Variants in SAMD4A observed in about 807,000 individuals in gnomAD.
SAMD4A encodes protein Smaug homolog 1.
In SAMD4A, 33 loss-of-function variants were observed where a neutral mutation model predicts 81.3. That is an observed-to-expected ratio of 0.41 (90% CI 0.31 to 0.54). SAMD4A has a LOEUF of 0.54. Ranked by LOEUF, SAMD4A falls within the 20% of genes least tolerant of loss-of-function variation. The pLI is 0.37. For synonymous variants in SAMD4A, 389 were observed against 382.1 expected (o/e 1.02, Z -0.21); for missense variants, 854 against 951.1 (o/e 0.90, Z 1.34).
At position 54,791,227 on chromosome 14, in the gene SAMD4A, G is replaced by T. The variant is rs780547094; in HGVS notation, c.*2283G>T. On this transcript the variant is annotated 3_prime_UTR_variant, in exon 13 of 13. Coordinates refer to ENST00000554335, the MANE Select transcript of SAMD4A (RefSeq NM_015589.6). ...CCAAAGGTAAGACCAGAGGGTTTGCGAATGTGGGTTTGTAGGATACTGAGA... is the reference window on the plus strand; with the variant it reads ...CCAAAGGTAAGACCAGAGGGTTTGCTAATGTGGGTTTGTAGGATACTGAGA... The T allele has an allele frequency of 6.6e-6, 1 of 152,168 alleles. No homozygotes were observed. The highest frequency in any genetic ancestry group is 2.4e-5 in the African/African-American group (1 of 41,420). The allele number at this position is 152,168 out of a possible 1,614,324, so 9.4% of individuals were successfully genotyped here.
At chr14:54,757,385 G>T (rs1320282982) in intron 6 of SAMD4A, among the ~76,000 whole-genome samples, 1 of 18,672 alleles carries the variant, frequency 5.4e-5, no homozygotes, top group African/African-American at 1.2e-4. Context: ...TTCTTTATTT[G>T]TGTGTGTGTG....
chr14:54,761,316 C>T (rs1038580703), intron 7 of SAMD4A, among the ~76,000 whole-genome samples: 1 of 152,200 alleles, frequency 6.6e-6, no homozygotes, highest in South Asian at 2.1e-4. Context: ...CCATCATGCA[C>T]GTGGTTACCA....
At chr14:54,743,255 G>T (rs2037888439) in intron 4 of SAMD4A, among the ~76,000 whole-genome samples, 2 of 152,216 alleles carry the variant, frequency 1.3e-5, no homozygotes, top group South Asian at 2.1e-4. Context: ...CTAGCTGCCT[G>T]CTCGAATTCA....
At chr14:54,641,627 T>C (rs1294755382) in intron 2 of SAMD4A, among the ~76,000 whole-genome samples, 1 of 152,214 alleles carries the variant, frequency 6.6e-6, no homozygotes, top group African/African-American at 2.4e-5. Flanking sequence ...AGAGAGTACA[T>C]ATTTTGCTTA....
At chr14:54,741,784 A>C (rs1278454810) in intron 4 of SAMD4A, among the ~76,000 whole-genome samples, 1 of 152,210 alleles carries the variant, frequency 6.6e-6, no homozygotes, top group Non-Finnish European at 1.5e-5. Flanking sequence ...TCAGCCAAAT[A>C]GTAAGTGAAG....
At chr14:54,566,249 G>C (rs916652091), upstream of SAMD4A, among the ~76,000 whole-genome samples, 8 of 151,162 alleles carry the variant, frequency 5.3e-5, no homozygotes, top group Non-Finnish European at 1.0e-4. Context: ...ACCCCGCTGA[G>C]AGCCGCCGCG....
At chr14:54,698,339 T>C (rs1367082913) in intron 2 of SAMD4A, among the ~76,000 whole-genome samples, 2 of 152,256 alleles carry the variant, frequency 1.3e-5, no homozygotes, top group Non-Finnish European at 2.9e-5. Context: ...CTAATTATGT[T>C]ATAAATATCA....
intron 2 of SAMD4A, among the ~76,000 whole-genome samples, chr14:54,670,950 G>C (rs1566576311): frequency 6.6e-6 from 1 of 152,196 alleles, no homozygotes; most frequent in Admixed American, 6.5e-5. Flanking sequence ...TCCCTTAGCT[G>C]AGTGAATTCT....
chr14:54,567,815 C>A lies in SAMD4A; in HGVS notation c.-102C>A. On this transcript the variant is annotated 5_prime_UTR_variant, in exon 2 of 13. Coordinates refer to ENST00000554335, the MANE Select transcript of SAMD4A (RefSeq NM_015589.6). ...CACCAGAGCCACCTTGGAACAGGAACGCGTCTCCGGCCGCGGGGCTGCGGC... is the reference window on the plus strand; with the variant it reads ...CACCAGAGCCACCTTGGAACAGGAAAGCGTCTCCGGCCGCGGGGCTGCGGC... The A allele has an allele frequency of 7.8e-7, 1 of 1,278,504 alleles. No homozygotes were observed. The highest frequency in any genetic ancestry group is 1.1e-6 in the Non-Finnish European group (1 of 933,612). 79.2% of individuals were successfully genotyped at this position (1,278,504 alleles called of 1,614,324 possible).
chr14:54,642,007 A>G (rs538160705), intron 2 of SAMD4A, among the ~76,000 whole-genome samples: 86 of 152,282 alleles, frequency 5.6e-4, no homozygotes, highest in African/African-American at 1.8e-3. Flanking sequence ...CATGTTGGCC[A>G]GGCTGGTCTT....
At chr14:54,777,915 G>C (rs1351484679) in intron 11 of SAMD4A, among the ~76,000 whole-genome samples, 5 of 151,954 alleles carry the variant, frequency 3.3e-5, no homozygotes, top group Non-Finnish European at 5.9e-5. Context: ...TTTTCTTCCT[G>C]GGAAGAAACA....
chr14:54,765,499 TG>T (rs2038514882), intron 8 of SAMD4A, among the ~76,000 whole-genome samples: 1 of 146,984 alleles, frequency 6.8e-6, no homozygotes, highest in Non-Finnish European at 1.5e-5. Flanking sequence ...GGCGCACACC[TG>T]TAATCCCAGC....
intron 11 of SAMD4A, among the ~76,000 whole-genome samples, chr14:54,778,525 A>G (rs1440097401): frequency 6.6e-6 from 1 of 152,210 alleles, no homozygotes; most frequent in Non-Finnish European, 1.5e-5. Context: ...CCTAGCCCAC[A>G]GGCACAACCC....
At chr14:54,764,814 G>A (rs2038494153) in intron 8 of SAMD4A, among the ~76,000 whole-genome samples, 1 of 152,202 alleles carries the variant, frequency 6.6e-6, no homozygotes, top group South Asian at 2.1e-4. Flanking sequence ...AGCCCCGGGT[G>A]GCCAAGCCTC....
At chr14:54,739,884 A>T (rs1374029886) in intron 4 of SAMD4A, among the ~76,000 whole-genome samples, 2 of 152,214 alleles carry the variant, frequency 1.3e-5, no homozygotes, top group African/African-American at 2.4e-5. Flanking sequence ...AAGAAATGAG[A>T]TATGGCTGGG....
chr14:54,604,999 C>G (rs1033340740), intron 2 of SAMD4A, among the ~76,000 whole-genome samples: 1 of 152,150 alleles, frequency 6.6e-6, no homozygotes, highest in African/African-American at 2.4e-5. Flanking sequence ...CCATTTTTAC[C>G]TTATGCTCAA....
intron 2 of SAMD4A, among the ~76,000 whole-genome samples, chr14:54,618,022 A>G (rs2034530381): frequency 6.6e-6 from 1 of 152,180 alleles, no homozygotes; most frequent in African/African-American, 2.4e-5. Flanking sequence ...ATTTATTACC[A>G]TGTTTTTTCC....
intron 2 of SAMD4A, among the ~76,000 whole-genome samples, chr14:54,695,822 G>A (rs11621212): frequency 2.0e-5 from 3 of 151,446 alleles, no homozygotes; most frequent in Admixed American, 6.6e-5. Context: ...GCGTGGTGGC[G>A]CATGCCTGTA....
intron 2 of SAMD4A, among the ~76,000 whole-genome samples, chr14:54,646,683 G>A (rs1448031513): frequency 6.6e-6 from 1 of 152,230 alleles, no homozygotes; most frequent in Admixed American, 6.5e-5. Flanking sequence ...TGTGTGGACT[G>A]TTTGTGCCTA....
Sources: gnomAD v4.1 joint callset for allele counts (sites outside exome capture counted in the v4.1 genomes callset) on GRCh38, gnomAD v4.1.1 for gene constraint, MANE v1.5 for transcripts, NCBI Gene and HGNC (gene_info 2026-07-23, HGNC 2026-07-21) for gene names.